The following UVSSA variants were observed in gnomAD, a reference collection of about 807,000 sequenced individuals.
The protein encoded by UVSSA is UV-stimulated scaffold protein A.
UVSSA carries 72 observed loss-of-function variants against 73.9 expected under a neutral mutation model. The observed-to-expected ratio is 0.97, with a 90% CI of 0.81 to 1.19. The LOEUF (loss-of-function observed/expected upper bound fraction) is 1.19. Ranked by LOEUF, UVSSA falls within the 50% of genes most tolerant of loss-of-function variation. UVSSA has a pLI of 0.00. For missense variants in UVSSA, 1,150 were observed against 965.0 expected (o/e 1.19, Z -2.54); for synonymous variants, 454 against 391.3 (o/e 1.16, Z -1.89).
At chr4:1,385,745 C>A in intron 13 of UVSSA, 123 bp from the exon 14 acceptor site, 1 of 963,278 alleles carries the variant, frequency 1.0e-6, no homozygotes, top group Non-Finnish European at 1.6e-6. Context: ...CACAGGCAGT[C>A]TGTCAGTGTC....
chr4:1,376,005 C>G (rs370468795), intron 9 of UVSSA, 29 bp from the exon 10 acceptor site: 12 of 1,573,590 alleles, frequency 7.6e-6, no homozygotes, highest in Non-Finnish European at 1.0e-5. Context: ...CCAGCAGCAC[C>G]GTCAGGCTGT....
At chr4:1,389,033 T>A (rs571130885), downstream of UVSSA, 1 of 152,350 alleles carries the variant, frequency 6.6e-6, no homozygotes, top group South Asian at 2.1e-4. Flanking sequence ...TTGGTGGAAT[T>A]TACCAGTGAA....
rs1353757456 is a variant in UVSSA, at chr4:1,372,794, T to TGCACTCACCTCCCGCGTCTCAGG, written c.1289-2528_1289-2506dup. Among the ~76,000 whole-genome samples the TGCACTCACCTCCCGCGTCTCAGG allele has an allele frequency of 1.9e-3, 83 of 43,398 alleles. 2 individuals carry two copies. The East Asian group carries it at 0.035, about 19-fold the overall frequency. 28.5% of individuals were successfully genotyped at this position (43,398 alleles called of 152,430 possible). On this transcript the variant is annotated intron_variant, in intron 8 of 13. Coordinates refer to ENST00000389851, the MANE Select transcript of UVSSA (RefSeq NM_020894.4). Reference sequence around the variant, plus strand: ...TCAGGGCACTCACCTCCCGCGTCCCTGCACTCACCTCCCGCGTCTCAGGGC... The same window carrying TGCACTCACCTCCCGCGTCTCAGG: ...TCAGGGCACTCACCTCCCGCGTCCCTGCACTCACCTCCCGCGTCTCAGGGCACTCACCTCCCGCGTCTCAGGGC...
chr4:1,393,561 A>ATAGATAGATAGAT (rs1435698320), exon 14 of UVSSA: 1 of 134,376 alleles, frequency 7.4e-6, no homozygotes, highest in Non-Finnish European at 1.6e-5. Flanking sequence ...TCAAAACTAG[A>ATAGATAGATAGAT]TAGATAGATA....
chr4:1,353,982 G>A (rs1715233767), intron 5 of UVSSA, among the ~76,000 whole-genome samples: 2 of 152,236 alleles, frequency 1.3e-5, no homozygotes, highest in Non-Finnish European at 2.9e-5. Context: ...GCCCCCTGCT[G>A]CCCCCCTGGG....
intron 8 of UVSSA, among the ~76,000 whole-genome samples, chr4:1,371,791 A>G (rs1321668357): frequency 3.3e-5 from 5 of 152,340 alleles, no homozygotes; most frequent in Non-Finnish European, 7.3e-5. Context: ...TATGGGAACT[A>G]TAAGATGAGA....
chr4:1,395,616 C>T, exon 14 of UVSSA: 1 of 1,511,630 alleles, frequency 6.6e-7, no homozygotes, highest in Non-Finnish European at 8.9e-7. Flanking sequence ...CACACGTGCC[C>T]ATGTGGAGTG....
rs1235318361 is a variant in UVSSA at position 1,347,453 on chromosome 4, AC to A, written c.-306del. ...CCGGTGCAGCCGCTGTGCGAGAGCG[AC>A]CCCGCGGTCCAAGCCTCGCGTGGCC... is the stretch of plus-strand genomic sequence containing the variant. On this transcript the variant is annotated 5_prime_UTR_variant, in exon 1 of 14. Coordinates refer to ENST00000389851, the MANE Select transcript of UVSSA (RefSeq NM_020894.4). 1 of 152,172 alleles carries A rather than the reference AC, an allele frequency of 6.6e-6. No individual in the cohort carries two copies. Among genetic ancestry groups the A allele is most frequent in the African/African-American group, 2.4e-5 (1 of 41,416 alleles). 9.4% of individuals were successfully genotyped at this position (152,172 alleles called of 1,614,324 possible).
intron 5 of UVSSA, among the ~76,000 whole-genome samples, chr4:1,354,345 G>A (rs2109098693): frequency 6.6e-6 from 1 of 152,224 alleles, no homozygotes; most frequent in Non-Finnish European, 1.5e-5. Flanking sequence ...CGGGGGGGTG[G>A]GGGCTGGTGA....
intron 5 of UVSSA, 130 bp from the exon 6 acceptor site, chr4:1,354,605 G>T: frequency 1.4e-6 from 1 of 707,490 alleles, no homozygotes. Flanking sequence ...TGGGATTCCC[G>T]GGGGCAGGCA....
At chr4:1,342,797 A>C (rs1350579169), upstream of UVSSA, among the ~76,000 whole-genome samples, 1 of 152,198 alleles carries the variant, frequency 6.6e-6, no homozygotes, top group Non-Finnish European at 1.5e-5. Context: ...TGGCTGTGTT[A>C]AGTTGGGGTT....
intron 7 of UVSSA, among the ~76,000 whole-genome samples, chr4:1,362,907 C>CA: frequency 6.6e-6 from 1 of 152,332 alleles, no homozygotes; most frequent in East Asian, 1.9e-4. Context: ...TTCCTAGGCT[C>CA]ACGGCTTCCC....
chr4:1,384,401 T>TC (rs2109315929), intron 13 of UVSSA: 1 of 169,280 alleles, frequency 5.9e-6, no homozygotes, highest in African/African-American at 2.4e-5. Context: ...CCCCAGCATG[T>TC]CTTCTCTGAG....
chr4:1,355,095 T>G, intron 6 of UVSSA, 22 bp from the exon 7 acceptor site: 1 of 1,612,580 alleles, frequency 6.2e-7, no homozygotes, highest in Non-Finnish European at 8.5e-7. Flanking sequence ...GCCCCTGAGC[T>G]GTTCGCACCC....
At chr4:1,380,602 G>GA (rs754180850) in intron 11 of UVSSA, 34 of 1,474,268 alleles carry the variant, frequency 2.3e-5, no homozygotes, top group Non-Finnish European at 2.9e-5. Context: ...GCATGGTGCA[G>GA]GGGGGTCGCT....
chr4:1,362,854 G>A (rs1459989934), intron 7 of UVSSA, among the ~76,000 whole-genome samples: 3 of 152,196 alleles, frequency 2.0e-5, no homozygotes, highest in African/African-American at 4.8e-5. Context: ...TGGTGACCAC[G>A]CCGTTCCTGT....
rs1275893924 is a variant in UVSSA at position 1,353,279 on chromosome 4, G to A, written c.800G>A (p.Gly267Asp). ...GCCTCTGCAGGCCACCCCAGAGCGG[G>A]CGGCGGGGCACAGCCATCCCAGACA... ...LPASAGHPRA[G>D]GGAQPSQTAT... The change falls in exon 5 of 14, where the codon GGC becomes GAC. Residue 267 changes from glycine (G) to aspartate (D), a missense_variant. Physicochemically the swap from Gly to Asp is moderately conservative, Grantham distance 94. Transcript: ENST00000389851. 4 of 1,611,118 alleles carry A rather than the reference G, an allele frequency of 2.5e-6. No homozygotes were observed. The highest frequency in any genetic ancestry group is 1.3e-5 in the African/African-American group (1 of 74,946).
rs1356782732 is a variant in UVSSA, at chr4:1,347,664, G to C, written c.-99G>C. ...CGGGCAGGCTGCCTCCGTTAGGGCCGCCCCTGCTCTCCGGACGCGACTTTT... is the reference window on the plus strand; with the variant it reads ...CGGGCAGGCTGCCTCCGTTAGGGCCCCCCCTGCTCTCCGGACGCGACTTTT... On this transcript the variant is annotated 5_prime_UTR_variant, in exon 1 of 14. Transcript: ENST00000389851. 6.3e-6 allele frequency: 1 copy of C among 159,184 alleles called. No individual in the cohort carries two copies. The highest frequency in any genetic ancestry group is 2.4e-5 in the African/African-American group (1 of 41,524). 9.9% of individuals were successfully genotyped at this position (159,184 alleles called of 1,614,324 possible).
chr4:1,349,513 C>G lies in UVSSA; in HGVS notation c.99-11C>G, dbSNP rs373195513. On this transcript the variant is annotated splice_polypyrimidine_tract_variant and intron_variant, in intron 2 of 13. Transcript: ENST00000389851. ...GTGGGGCAGTTGGGTCAGGCCAGCT[C>G]GCATCCCCAGGTCTTCAGAGGAGCA... 20 of 1,609,196 alleles carry G rather than the reference C, an allele frequency of 1.2e-5. No individual in the cohort carries two copies. In the Admixed American group the frequency reaches 1.5e-4, roughly 12 times the overall value.
Sources: gnomAD v4.1 joint callset for allele counts (sites outside exome capture counted in the v4.1 genomes callset) on GRCh38, gnomAD v4.1.1 for gene constraint, MANE v1.5 for transcripts, NCBI Gene and HGNC (gene_info 2026-07-23, HGNC 2026-07-21) for gene names.